Variants in CCDC171 observed in about 807,000 individuals in gnomAD.
The protein encoded by CCDC171 is coiled-coil domain containing 171, also known as coiled-coil domain-containing protein 171.
CCDC171 carries 177 observed loss-of-function variants against 168.2 expected under a neutral mutation model. The observed-to-expected ratio is 1.05, with a 90% CI of 0.93 to 1.19. The LOEUF is 1.19. Ranked by LOEUF, CCDC171 falls within the 50% of genes most tolerant of loss-of-function variation. The pLI is 0.00. For synonymous variants in CCDC171, 687 were observed against 540.8 expected (o/e 1.27, Z -3.75); for missense variants, 1,991 against 1,539.0 (o/e 1.29, Z -4.91).
rs980240727 is a variant in CCDC171 at position 15,816,291 on chromosome 9, C to T, written c.3268-30411C>T. 5.1e-5 allele frequency among the ~76,000 whole-genome samples: 6 copies of T among 116,736 alleles called. 2 individuals are homozygous for T. Among genetic ancestry groups the T allele is most frequent in the Admixed American group, 2.4e-4 (3 of 12,320 alleles). 76.6% of individuals were successfully genotyped at this position (116,736 alleles called of 152,430 possible). A position where few individuals can be genotyped will look rare whatever the true frequency, so the allele number is the denominator to read the frequency against. On this transcript the variant is annotated intron_variant, in intron 21 of 25. Transcript: ENST00000380701. ...AGTTCAATTTGTATAAACTTTTTTA[C>T]AAACATTATATTAGTTTTTTAAATT... is the stretch of plus-strand genomic sequence containing the variant.
At chr9:15,811,634 T>C (rs556988847) in intron 21 of CCDC171, among the ~76,000 whole-genome samples, 10 of 152,368 alleles carry the variant, frequency 6.6e-5, no homozygotes, top group African/African-American at 2.4e-4. Context: ...ATTTAGTTAC[T>C]GTTTCTACTA....
intron 20 of CCDC171, among the ~76,000 whole-genome samples, chr9:15,783,236 A>T (rs1440016043): frequency 6.6e-6 from 1 of 152,198 alleles, no homozygotes; most frequent in Non-Finnish European, 1.5e-5. Flanking sequence ...CTTTCTCTTT[A>T]TATGAATTGC....
the CCDC171 span, among the ~76,000 whole-genome samples, chr9:16,096,266 A>C: frequency 6.6e-6 from 1 of 152,188 alleles, no homozygotes; most frequent in African/African-American, 2.4e-5. Context: ...GCCATAGTAA[A>C]TTAAAGAAAG....
In CCDC171 at chr9:15,973,875, G is replaced by C. The variant is rs1465655515; in HGVS notation, c.*2039G>C. The C allele has an allele frequency of 6.6e-6, 1 of 152,066 alleles. No individual in the cohort carries two copies. The highest frequency in any genetic ancestry group is 1.5e-5 in the Non-Finnish European group (1 of 68,002). 9.4% of individuals were successfully genotyped at this position (152,066 alleles called of 1,614,324 possible). ...ATGTAACCTCTATGTCTAAGTGTTTGTGTGTGTGTATGCTTGTGTTGAATC... is the reference window on the plus strand; with the variant it reads ...ATGTAACCTCTATGTCTAAGTGTTTCTGTGTGTGTATGCTTGTGTTGAATC... On this transcript the variant is annotated 3_prime_UTR_variant, in exon 26 of 26. Coordinates refer to ENST00000380701, the MANE Select transcript of CCDC171 (RefSeq NM_173550.4).
At chr9:15,787,149 T>C (rs748103942) in intron 21 of CCDC171, among the ~76,000 whole-genome samples, 35 of 152,174 alleles carry the variant, frequency 2.3e-4, no homozygotes, top group Non-Finnish European at 4.4e-4. Flanking sequence ...TAGGGTGTAT[T>C]TTGATGTTTT....
At chr9:15,858,089 C>T (rs1219401400) in intron 23 of CCDC171, among the ~76,000 whole-genome samples, 1 of 151,970 alleles carries the variant, frequency 6.6e-6, no homozygotes, top group African/African-American at 2.4e-5. Context: ...ATGATCTTGG[C>T]TCACTGTAGC....
chr9:15,666,249 T>A lies in CCDC171; in HGVS notation c.1002T>A (p.Asn334Lys). The A allele has an allele frequency of 1.2e-6, 2 of 1,613,850 alleles. No individual in the cohort carries two copies. The highest frequency in any genetic ancestry group is 1.7e-6 in the Non-Finnish European group (2 of 1,179,854). ...EAVADLEIIK[N>K]EFKEVESAYE... The stretch of plus-strand genomic sequence containing the variant: ...TTGCTGATTTGGAAATTATCAAGAA[T>A]GAATTCAAAGAAGTTGAAAGTGCAT... Residue 334 changes from asparagine (N) to lysine (K), a missense_variant, in exon 9 of 26, where the codon AAT (asparagine) becomes AAA (lysine). Asn to Lys is a moderately conservative substitution (Grantham distance 94). Coordinates refer to ENST00000380701, the MANE Select transcript of CCDC171 (RefSeq NM_173550.4).
chr9:15,594,245 A>T, intron 6 of CCDC171, 73 bp downstream of exon 6: 1 of 828,130 alleles, frequency 1.2e-6, no homozygotes, highest in Non-Finnish European at 1.9e-6. Flanking sequence ...CATTAGTGGG[A>T]TAACTGACTC....
intron 4 of CCDC171, among the ~76,000 whole-genome samples, 176 bp downstream of exon 4, chr9:15,579,199 A>G (rs2040922472): frequency 6.6e-6 from 1 of 152,198 alleles, no homozygotes; most frequent in Admixed American, 6.5e-5. Flanking sequence ...AATTTTGTGA[A>G]CATTTATCTA....
At chr9:15,807,280 G>A (rs2059124209) in intron 21 of CCDC171, among the ~76,000 whole-genome samples, 2 of 152,220 alleles carry the variant, frequency 1.3e-5, no homozygotes, top group South Asian at 4.1e-4. Context: ...TTTGGAGGAT[G>A]TAAGACACTC....
chr9:15,587,548 A>T, intron 4 of CCDC171: 1 of 441,202 alleles, frequency 2.3e-6, no homozygotes. Flanking sequence ...GTATGTCTTT[A>T]TCCAAAAAAA....
chr9:15,618,755 G>C (rs1411140580), intron 6 of CCDC171, among the ~76,000 whole-genome samples: 1 of 152,062 alleles, frequency 6.6e-6, no homozygotes, highest in Non-Finnish European at 1.5e-5. Flanking sequence ...GCTGGCTGGG[G>C]GAGGGAGTTG....
At chr9:15,825,921 C>A (rs999307773) in intron 21 of CCDC171, among the ~76,000 whole-genome samples, 1 of 152,088 alleles carries the variant, frequency 6.6e-6, no homozygotes, top group South Asian at 2.1e-4. Flanking sequence ...TGAAATAATA[C>A]TCCATAGACT....
chr9:15,554,758 G>C (rs2038649513), intron 1 of CCDC171, among the ~76,000 whole-genome samples: 1 of 152,204 alleles, frequency 6.6e-6, no homozygotes. Context: ...CGTAGTGAAA[G>C]AGGATGGACT....
At chr9:15,938,601 G>A (rs1039856305) in intron 25 of CCDC171, among the ~76,000 whole-genome samples, 3 of 151,786 alleles carry the variant, frequency 2.0e-5, no homozygotes, top group Admixed American at 6.6e-5. Flanking sequence ...ATGTTAGACT[G>A]GTTTGAAGTT....
intron 11 of CCDC171, among the ~76,000 whole-genome samples, chr9:15,708,885 G>T (rs1055792539): frequency 6.6e-6 from 1 of 152,116 alleles, no homozygotes; most frequent in Non-Finnish European, 1.5e-5. Context: ...CCATGTAATT[G>T]ATTCAGAGTA....
chr9:15,598,378 C>G (rs1038923877), intron 6 of CCDC171, among the ~76,000 whole-genome samples: 1 of 151,212 alleles, frequency 6.6e-6, no homozygotes. Flanking sequence ...CAAAGAACAT[C>G]TTTTTTTCTG....
At chr9:15,967,921 A>T (rs553119561) in intron 25 of CCDC171, among the ~76,000 whole-genome samples, 21 of 152,212 alleles carry the variant, frequency 1.4e-4, no homozygotes, top group Admixed American at 1.4e-3. Flanking sequence ...ACTTACAGAC[A>T]ATTTATTGGG....
intron 11 of CCDC171, among the ~76,000 whole-genome samples, chr9:15,696,869 G>T (rs1272864859): frequency 6.6e-6 from 1 of 151,946 alleles, no homozygotes; most frequent in Non-Finnish European, 1.5e-5. Flanking sequence ...CTGTATAGAT[G>T]CATACTTTGT....
Sources: gnomAD v4.1 joint callset for allele counts (sites outside exome capture counted in the v4.1 genomes callset) on GRCh38, gnomAD v4.1.1 for gene constraint, MANE v1.5 for transcripts, NCBI Gene and HGNC (gene_info 2026-07-23, HGNC 2026-07-21) for gene names.